MACROD2: variants seen among roughly 807,000 people sequenced by gnomAD.
MACROD2 encodes the protein mono-ADP ribosylhydrolase 2.
A neutral mutation model predicts 70.4 loss-of-function variants in MACROD2; 36 were observed. That is an observed-to-expected ratio of 0.51 (90% CI 0.39 to 0.68). The LOEUF (loss-of-function observed/expected upper bound fraction) is 0.68, where lower values mean the gene tolerates loss of function less well. Ranked by LOEUF, MACROD2 falls within the 30% of genes least tolerant of loss-of-function variation. The pLI is 0.00. For synonymous variants in MACROD2, 172 were observed against 178.8 expected (o/e 0.96, Z 0.30); for missense variants, 496 against 538.4 (o/e 0.92, Z 0.78).
intron 3 of MACROD2, among the ~76,000 whole-genome samples, chr20:14,491,395 A>G (rs573774639): frequency 6.6e-6 from 1 of 152,364 alleles, no homozygotes; most frequent in Non-Finnish European, 1.5e-5. Context: ...CAAACAGTTT[A>G]AATTAAGATT....
chr20:14,347,685 T>C (rs204617), intron 3 of MACROD2, among the ~76,000 whole-genome samples: 105,824 of 152,024 alleles, frequency 0.7, 37,406 homozygotes, highest in Non-Finnish European at 0.75. Context: ...ATCTGTTCTG[T>C]ATTCAGAAAT....
chr20:15,053,277 G>C (rs958406690), intron 5 of MACROD2, among the ~76,000 whole-genome samples: 1 of 152,182 alleles, frequency 6.6e-6, no homozygotes, highest in African/African-American at 2.4e-5. Context: ...CGTTATATTG[G>C]AAGAAGATGC....
At chr20:14,672,120 A>G (rs1349209304) in intron 4 of MACROD2, among the ~76,000 whole-genome samples, 1 of 152,238 alleles carries the variant, frequency 6.6e-6, no homozygotes, top group African/African-American at 2.4e-5. Context: ...TTAGTGACTT[A>G]AAACAACAGC....
At chr20:14,481,729 A>T (rs1385198250) in intron 3 of MACROD2, among the ~76,000 whole-genome samples, 1 of 152,220 alleles carries the variant, frequency 6.6e-6, no homozygotes, top group Non-Finnish European at 1.5e-5. Flanking sequence ...CAAGCATTGG[A>T]TTGAATAGTT....
rs535569866 is a variant in MACROD2 at position 14,794,708 on chromosome 20, T to C, written c.418+109749T>C. 4.6e-4 allele frequency among the ~76,000 whole-genome samples: 70 copies of C among 152,258 alleles called. 2 individuals carry two copies. Among genetic ancestry groups the C allele is most frequent in the Middle Eastern group, 3.4e-3 (1 of 294 alleles). On this transcript the variant is annotated intron_variant, in intron 5 of 17. Coordinates refer to ENST00000684519, the MANE Select transcript of MACROD2 (RefSeq NM_001351661.2). Reference sequence around the variant, plus strand: ...TATTCAAATATCTGTTTGTAGAGCATTTTAATTAGTTTAACAAATGTTTAC... The same window carrying C: ...TATTCAAATATCTGTTTGTAGAGCACTTTAATTAGTTTAACAAATGTTTAC...
chr20:14,764,778 G>A (rs2072063878), intron 5 of MACROD2, among the ~76,000 whole-genome samples: 2 of 152,086 alleles, frequency 1.3e-5, no homozygotes, highest in Non-Finnish European at 2.9e-5. Context: ...CATAAAGAGG[G>A]CTGAATGTTA....
chr20:14,977,801 G>A (rs886537850), intron 5 of MACROD2, among the ~76,000 whole-genome samples: 2 of 152,094 alleles, frequency 1.3e-5, no homozygotes, highest in African/African-American at 4.8e-5. Flanking sequence ...AGCCTAATGT[G>A]GGGAGAAAAA....
At chr20:15,091,157 A>C (rs2075789708) in intron 5 of MACROD2, among the ~76,000 whole-genome samples, 1 of 152,080 alleles carries the variant, frequency 6.6e-6, no homozygotes, top group Non-Finnish European at 1.5e-5. Flanking sequence ...ACTAACACCT[A>C]GTAACACATT....
At chr20:14,561,241 G>T (rs1020172756) in intron 4 of MACROD2, among the ~76,000 whole-genome samples, 1 of 151,732 alleles carries the variant, frequency 6.6e-6, no homozygotes, top group South Asian at 2.1e-4. Flanking sequence ...TTATTTAGAA[G>T]CATTTTATTA....
intron 4 of MACROD2, among the ~76,000 whole-genome samples, chr20:14,589,124 TG>T (rs1023283103): frequency 1.7e-4 from 26 of 152,154 alleles, no homozygotes; most frequent in Admixed American, 3.3e-4. Flanking sequence ...GTATTATTTT[TG>T]TTTGAAAATA....
chr20:14,350,240 T>C (rs899376715), intron 3 of MACROD2, among the ~76,000 whole-genome samples: 1 of 152,134 alleles, frequency 6.6e-6, no homozygotes, highest in Non-Finnish European at 1.5e-5. Context: ...TTTGGGTATA[T>C]AACCAGCAGT....
intron 5 of MACROD2, among the ~76,000 whole-genome samples, chr20:14,954,471 A>G (rs1287492522): frequency 1.4e-5 from 2 of 143,324 alleles, no homozygotes; most frequent in Non-Finnish European, 3.0e-5. Flanking sequence ...TTGAAATTAT[A>G]TATATATTTA....
At chr20:14,700,466 A>G (rs73262824) in intron 5 of MACROD2, among the ~76,000 whole-genome samples, 2,563 of 151,778 alleles carry the variant, frequency 0.017, 74 homozygotes, top group African/African-American at 0.058. Context: ...TCAACTATTC[A>G]GTTATGCTTA....
At chr20:14,878,347 C>G (rs2073573019) in intron 5 of MACROD2, among the ~76,000 whole-genome samples, 1 of 152,158 alleles carries the variant, frequency 6.6e-6, no homozygotes, top group African/African-American at 2.4e-5. Flanking sequence ...AATGCTACAT[C>G]TCCATGAAAG....
intron 5 of MACROD2, among the ~76,000 whole-genome samples, chr20:14,855,505 A>G (rs1274465713): frequency 6.6e-6 from 1 of 151,700 alleles, no homozygotes; most frequent in Non-Finnish European, 1.5e-5. Flanking sequence ...AAACAGTATT[A>G]TACTCAATAG....
At chr20:15,881,302 CTCAAA>C (rs747553286) in intron 9 of MACROD2, among the ~76,000 whole-genome samples, 1 of 151,998 alleles carries the variant, frequency 6.6e-6, no homozygotes, top group Non-Finnish European at 1.5e-5. Flanking sequence ...AAGTTTATTA[CTCAAA>C]TCAGTCTCCC....
chr20:15,376,878 G>A (rs187267994), intron 6 of MACROD2, among the ~76,000 whole-genome samples: 1 of 152,108 alleles, frequency 6.6e-6, no homozygotes, highest in East Asian at 1.9e-4. Flanking sequence ...TTATTTTAAT[G>A]TTCTATTCTT....
chr20:15,070,729 C>T (rs368057047), intron 5 of MACROD2, among the ~76,000 whole-genome samples: 27 of 152,236 alleles, frequency 1.8e-4, no homozygotes, highest in South Asian at 4.1e-4. Flanking sequence ...CTGAATGGAT[C>T]GTGGTACCAT....
At chr20:15,342,573 G>A (rs2078121995) in intron 6 of MACROD2, among the ~76,000 whole-genome samples, 1 of 152,034 alleles carries the variant, frequency 6.6e-6, no homozygotes. Flanking sequence ...CCAATAATAT[G>A]GTTTAAATAT....
Sources: gnomAD v4.1 joint callset for allele counts (sites outside exome capture counted in the v4.1 genomes callset) on GRCh38, gnomAD v4.1.1 for gene constraint, MANE v1.5 for transcripts, NCBI Gene and HGNC (gene_info 2026-07-23, HGNC 2026-07-21) for gene names.